Variants in RGS6 observed in about 807,000 individuals in gnomAD.
RGS6 encodes regulator of G-protein signaling 6.
RGS6 carries 30 observed loss-of-function variants against 78.5 expected under a neutral mutation model. The ratio of observed to expected loss-of-function variants is 0.38; its 90% CI spans 0.29 to 0.52. The LOEUF (loss-of-function observed/expected upper bound fraction) is 0.52, where lower values mean the gene tolerates loss of function less well. RGS6 is among the 20% of genes least tolerant of loss of function. RGS6 has a pLI of 0.85. For synonymous variants in RGS6, 206 were observed against 206.0 expected (o/e 1.00, Z 0.00); for missense variants, 495 against 609.7 (o/e 0.81, Z 1.98).
At chr14:72,087,981 T>C (rs1197465319) in intron 2 of RGS6, among the ~76,000 whole-genome samples, 1 of 152,136 alleles carries the variant, frequency 6.6e-6, no homozygotes, top group Non-Finnish European at 1.5e-5. Flanking sequence ...TCCCTTCTCA[T>C]GGCAGAAATA....
At chr14:72,504,807 G>A (rs1175450998) in intron 13 of RGS6, among the ~76,000 whole-genome samples, 1 of 150,962 alleles carries the variant, frequency 6.6e-6, no homozygotes, top group Non-Finnish European at 1.5e-5. Context: ...AGGCTGGAGT[G>A]CAGTGTCGGG....
intron 2 of RGS6, among the ~76,000 whole-genome samples, chr14:72,219,259 C>A (rs1479025005): frequency 6.6e-6 from 1 of 152,028 alleles, no homozygotes; most frequent in African/African-American, 2.4e-5. Context: ...CAAATGATCT[C>A]CAAAGTGCCA....
chr14:72,518,574 T>G, intron 15 of RGS6, 37 bp downstream of exon 15: 1 of 1,586,566 alleles, frequency 6.3e-7, no homozygotes. Context: ...CATAAGGTGT[T>G]CATTTGTCCC....
At chr14:71,936,015 G>GATAGATAT (rs1555390359) in intron 1 of RGS6, among the ~76,000 whole-genome samples, 1 of 63,786 alleles carries the variant, frequency 1.6e-5, no homozygotes, top group Non-Finnish European at 3.3e-5. Flanking sequence ...GAACTAATAG[G>GATAGATAT]ATATATATAT....
At chr14:72,377,699 G>T (rs898064795) in intron 3 of RGS6, among the ~76,000 whole-genome samples, 3 of 152,116 alleles carry the variant, frequency 2.0e-5, no homozygotes, top group Non-Finnish European at 2.9e-5. Flanking sequence ...TTATGGCCAG[G>T]CATGGTGTAA....
chr14:72,556,179 A>G (rs1178282561), intron 17 of RGS6, among the ~76,000 whole-genome samples: 1 of 152,186 alleles, frequency 6.6e-6, no homozygotes, highest in Non-Finnish European at 1.5e-5. Flanking sequence ...AATACCTGAG[A>G]CTGGGTAATT....
At chr14:72,501,220 G>A (rs546389755) in intron 13 of RGS6, among the ~76,000 whole-genome samples, 1 of 152,292 alleles carries the variant, frequency 6.6e-6, no homozygotes, top group East Asian at 1.9e-4. Context: ...TACTGAGTCT[G>A]CCGTGGGGAG....
intron 2 of RGS6, among the ~76,000 whole-genome samples, chr14:72,130,054 C>A (rs144796945): frequency 6.6e-6 from 1 of 152,274 alleles, no homozygotes; most frequent in Non-Finnish European, 1.5e-5. Context: ...TTCTTCCTGG[C>A]TGACTACAAA....
intron 2 of RGS6, among the ~76,000 whole-genome samples, chr14:72,297,777 C>G (rs2152382613): frequency 6.6e-6 from 1 of 151,740 alleles, no homozygotes; most frequent in East Asian, 1.9e-4. Flanking sequence ...TTATTTAGAT[C>G]TTCTTTAATT....
At chr14:72,548,609 T>C (rs142215615) in intron 17 of RGS6, among the ~76,000 whole-genome samples, 13 of 152,212 alleles carry the variant, frequency 8.5e-5, no homozygotes, top group Non-Finnish European at 1.9e-4. Context: ...AGCCCCCACA[T>C]TATCAGGAAC....
At chr14:72,570,157 AT>A (rs1292295811), downstream of RGS6, among the ~76,000 whole-genome samples, 1 of 152,274 alleles carries the variant, frequency 6.6e-6, no homozygotes, top group African/African-American at 2.4e-5. Flanking sequence ...AAAAATACAA[AT>A]TAAAAAACAA....
chr14:72,044,013 T>C (rs545296667), intron 2 of RGS6, among the ~76,000 whole-genome samples: 13 of 152,304 alleles, frequency 8.5e-5, no homozygotes, highest in African/African-American at 3.1e-4. Context: ...TCTTCTCTCT[T>C]TGCATTTTTA....
chr14:72,072,310 TTTG>T (rs1176271395), intron 2 of RGS6, among the ~76,000 whole-genome samples: 1 of 151,624 alleles, frequency 6.6e-6, no homozygotes, highest in Non-Finnish European at 1.5e-5. Flanking sequence ...GTGTAGTTTG[TTTG>T]TTTTTTTTTT....
chr14:72,598,696 A>G, the RGS6 span, among the ~76,000 whole-genome samples: 54 of 152,240 alleles, frequency 3.5e-4, 1 homozygote, highest in African/African-American at 1.3e-3. Context: ...CACCTCCCCA[A>G]AGCTCTGGCA....
chr14:72,624,562 C>T, the RGS6 span, among the ~76,000 whole-genome samples: 199 of 152,262 alleles, frequency 1.3e-3, 1 homozygote, highest in African/African-American at 3.9e-3. Context: ...TGTTCTCCAG[C>T]GCCTGACCTC....
At chr14:72,547,604 A>C (rs2097427744) in intron 17 of RGS6, among the ~76,000 whole-genome samples, 1 of 152,182 alleles carries the variant, frequency 6.6e-6, no homozygotes, top group South Asian at 2.1e-4. Context: ...GACTCAGAGC[A>C]GTGGGATTTT....
At chr14:72,127,375 T>G (rs2096220994) in intron 2 of RGS6, among the ~76,000 whole-genome samples, 1 of 152,218 alleles carries the variant, frequency 6.6e-6, no homozygotes, top group African/African-American at 2.4e-5. Context: ...GTTTTTAAAT[T>G]ATGAGATTTA....
chr14:72,406,155 G>C (rs1377544368), intron 3 of RGS6, among the ~76,000 whole-genome samples: 1 of 152,168 alleles, frequency 6.6e-6, no homozygotes, highest in Admixed American at 6.5e-5. Flanking sequence ...GGGAGGCCGA[G>C]GCAGGCAGAT....
At chr14:72,152,235 AGAGAGAGAGAGT>A (rs1343612984) in intron 2 of RGS6, among the ~76,000 whole-genome samples, 4 of 137,738 alleles carry the variant, frequency 2.9e-5, no homozygotes, top group Non-Finnish European at 4.7e-5. Flanking sequence ...AGAGAGAGAG[AGAGAGAGAGAGT>A]GTGTGTGTGT....
Sources: gnomAD v4.1 joint callset for allele counts (sites outside exome capture counted in the v4.1 genomes callset) on GRCh38, gnomAD v4.1.1 for gene constraint, MANE v1.5 for transcripts, NCBI Gene and HGNC (gene_info 2026-07-23, HGNC 2026-07-21) for gene names.